TBL1X: variants seen among roughly 807,000 people sequenced by gnomAD.
TBL1X encodes F-box-like/WD repeat-containing protein TBL1X.
Under a neutral mutation model 50.7 loss-of-function variants are expected in TBL1X, and 10 were observed. The ratio of observed to expected loss-of-function variants is 0.20; its 90% confidence interval spans 0.12 to 0.33. TBL1X has a LOEUF of 0.33. Among genes scored for constraint, TBL1X ranks in the 10% least tolerant of loss-of-function variants. The probability of loss-of-function intolerance (pLI) is 1.00; values close to 1 mark genes in which losing one functional copy is unlikely to be tolerated. For synonymous variants in TBL1X, 190 were observed against 214.7 expected (o/e 0.88, Z 1.01); for missense variants, 340 against 504.4 (o/e 0.67, Z 3.12).
At chrX:9,680,585 C>T (rs2083019570) in intron 5 of TBL1X, among the ~76,000 whole-genome samples, 1 of 111,427 alleles carries the variant, frequency 9.0e-6, no homozygotes, top group Non-Finnish European at 1.9e-5. Context: ...AGCCCTCCTG[C>T]TTGCCTTCAT....
intron 12 of TBL1X, among the ~76,000 whole-genome samples, chrX:9,701,836 G>A (rs2083175642): frequency 9.0e-6 from 1 of 111,540 alleles, no homozygotes; most frequent in Non-Finnish European, 1.9e-5. Flanking sequence ...AGGCGATGTT[G>A]TAAACGAGAA....
intron 2 of TBL1X, among the ~76,000 whole-genome samples, chrX:9,566,372 A>G (rs1276877334): frequency 8.9e-6 from 1 of 112,128 alleles, no homozygotes; most frequent in East Asian, 2.8e-4. Context: ...ATAAACCTCA[A>G]TATATAACCC....
At chrX:9,661,108 CTA>C (rs1471320063) in intron 5 of TBL1X, among the ~76,000 whole-genome samples, 1 of 112,574 alleles carries the variant, frequency 8.9e-6, no homozygotes, top group Non-Finnish European at 1.9e-5. Flanking sequence ...GCCACCTACT[CTA>C]TGTATTTTGG....
At chrX:9,663,406 C>A (rs1225447970) in intron 5 of TBL1X, among the ~76,000 whole-genome samples, 2 of 111,938 alleles carry the variant, frequency 1.8e-5, no homozygotes, top group African/African-American at 6.5e-5. Context: ...TGTGGGTAGG[C>A]ACAGCAAGCT....
intron 3 of TBL1X, among the ~76,000 whole-genome samples, chrX:9,649,539 G>A (rs2082822523): frequency 8.9e-6 from 1 of 112,296 alleles, no homozygotes; most frequent in Admixed American, 9.4e-5. Context: ...AAAGCAGAAA[G>A]CCAGAGCTGA....
intron 2 of TBL1X, among the ~76,000 whole-genome samples, chrX:9,601,105 C>T (rs1166980660): frequency 9.0e-6 from 1 of 111,712 alleles, no homozygotes; most frequent in Admixed American, 9.5e-5. Context: ...GTGAACAAAT[C>T]AGTGCACAGA....
chrX:9,694,959 C>CAAATAAAT (rs58923242), intron 11 of TBL1X, among the ~76,000 whole-genome samples: 15,312 of 100,106 alleles, frequency 0.15, 1,195 homozygotes, highest in Non-Finnish European at 0.2. Flanking sequence ...AACTTCATCT[C>CAAATAAAT]AAATAAATAA....
intron 9 of TBL1X, 29 bp from the exon 10 acceptor site, chrX:9,693,120 G>A (rs751518600): frequency 1.7e-6 from 2 of 1,210,512 alleles, no homozygotes; most frequent in South Asian, 1.8e-5. Flanking sequence ...AGTTGTTTTT[G>A]TGGGGTTTTG....
intron 2 of TBL1X, among the ~76,000 whole-genome samples, chrX:9,586,370 G>A (rs1363332480): frequency 2.7e-5 from 3 of 112,503 alleles, no homozygotes; most frequent in Non-Finnish European, 5.6e-5. Flanking sequence ...TGGACATTAT[G>A]TTAAGTGAAA....
At chrX:9,607,855 C>A (rs1258082403) in intron 2 of TBL1X, among the ~76,000 whole-genome samples, 1 of 109,715 alleles carries the variant, frequency 9.1e-6, no homozygotes, top group Non-Finnish European at 1.9e-5. Flanking sequence ...ACTCTGTCAC[C>A]CAGGCTGGAG....
chrX:9,494,961 C>T (rs1015809678), intron 1 of TBL1X, among the ~76,000 whole-genome samples: 3 of 111,677 alleles, frequency 2.7e-5, no homozygotes, highest in African/African-American at 6.5e-5. Flanking sequence ...TTTTTCCATC[C>T]ATTTCCCACA....
At chrX:9,513,753 A>C (rs2082068211) in intron 2 of TBL1X, among the ~76,000 whole-genome samples, 2 of 109,786 alleles carry the variant, frequency 1.8e-5, no homozygotes, top group Non-Finnish European at 3.8e-5. Context: ...GTAAAGGAAT[A>C]CCTGAGACTG....
chrX:9,633,348 A>G (rs756016159), intron 2 of TBL1X, among the ~76,000 whole-genome samples: 15 of 111,912 alleles, frequency 1.3e-4, no homozygotes, highest in African/African-American at 4.2e-4. Flanking sequence ...GGTTTACTGC[A>G]GTGGTAAAAA....
At chrX:9,686,771 G>A (rs1330135602) in intron 6 of TBL1X, among the ~76,000 whole-genome samples, 2 of 111,964 alleles carry the variant, frequency 1.8e-5, no homozygotes, top group East Asian at 2.8e-4. Context: ...GACAGTTACC[G>A]CGTTTTGTCA....
intron 5 of TBL1X, among the ~76,000 whole-genome samples, chrX:9,676,318 CT>C (rs2082993889): frequency 8.9e-6 from 1 of 111,747 alleles, no homozygotes; most frequent in African/African-American, 3.3e-5. Flanking sequence ...GCAGCACCCC[CT>C]ACCCTAGCCG....
intron 2 of TBL1X, among the ~76,000 whole-genome samples, chrX:9,585,328 A>ACCC (rs1262756915): frequency 3.3e-4 from 18 of 54,641 alleles, no homozygotes; most frequent in African/African-American, 6.2e-4. Flanking sequence ...GCTCCATGCC[A>ACCC]CCCCCCTCCC....
At chrX:9,545,902 C>A (rs778750344) in intron 2 of TBL1X, among the ~76,000 whole-genome samples, 2 of 111,944 alleles carry the variant, frequency 1.8e-5, no homozygotes, top group Admixed American at 9.4e-5. Context: ...CCCCAACCTT[C>A]TTCTATGACA....
intron 2 of TBL1X, among the ~76,000 whole-genome samples, chrX:9,615,958 A>G (rs112962089): frequency 0.059 from 6,651 of 112,071 alleles, 315 homozygotes; most frequent in African/African-American, 0.15. Context: ...TTTCCATAAC[A>G]CATTGAATGA....
intron 2 of TBL1X, among the ~76,000 whole-genome samples, chrX:9,569,926 T>G (rs1208261934): frequency 8.9e-6 from 1 of 112,045 alleles, no homozygotes; most frequent in East Asian, 2.8e-4. Context: ...TCATAGTCAG[T>G]TGCTAAAGGT....
Sources: allele counts gnomAD v4.1 joint callset (sites outside exome capture counted in the v4.1 genomes callset), GRCh38; gene constraint gnomAD v4.1.1; transcripts MANE v1.5; gene names NCBI Gene and HGNC (gene_info 2026-07-23, HGNC 2026-07-21).